The following DOK6 variants were observed in gnomAD, a reference collection of about 807,000 sequenced individuals.
DOK6 encodes the protein docking protein 6.
In DOK6, 22 loss-of-function variants were observed where a neutral mutation model predicts 44.0. The ratio of observed to expected loss-of-function variants is 0.50; its 90% CI spans 0.36 to 0.71. The LOEUF is 0.71. DOK6 is among the 30% of genes least tolerant of loss of function. DOK6 has a pLI of 0.00. For missense variants in DOK6, 340 were observed against 416.4 expected (o/e 0.82, Z 1.60); for synonymous variants, 166 against 145.5 (o/e 1.14, Z -1.01).
chr18:69,651,569 A>G (rs184909378), intron 3 of DOK6, among the ~76,000 whole-genome samples: 2 of 146,926 alleles, frequency 1.4e-5, no homozygotes, highest in Non-Finnish European at 3.0e-5. Context: ...GCTTGCTGCA[A>G]CCTCTGCCTC....
chr18:69,671,285 G>C (rs1049145944), intron 3 of DOK6, among the ~76,000 whole-genome samples: 1 of 152,208 alleles, frequency 6.6e-6, no homozygotes, highest in African/African-American at 2.4e-5. Context: ...CATAAAAGAA[G>C]TAGCAGAATA....
chr18:69,512,332 C>CTTCT (rs59109570), intron 1 of DOK6, among the ~76,000 whole-genome samples: 85 of 91,686 alleles, frequency 9.3e-4, no homozygotes, highest in African/African-American at 3.7e-3. Context: ...CTTTCTTCTT[C>CTTCT]TTTTTTTTTT....
chr18:69,501,896 GTTA>G (rs935718201), intron 1 of DOK6, among the ~76,000 whole-genome samples: 4 of 152,010 alleles, frequency 2.6e-5, no homozygotes, highest in Non-Finnish European at 4.4e-5. Flanking sequence ...AGCTTTCATT[GTTA>G]TTATGATCAC....
intron 6 of DOK6, among the ~76,000 whole-genome samples, chr18:69,740,432 A>G (rs73970250): frequency 3.3e-4 from 51 of 152,336 alleles, no homozygotes; most frequent in African/African-American, 1.2e-3. Context: ...AAGATTTACC[A>G]TGGGGCTAAC....
At chr18:69,753,033 A>G (rs1185520568) in intron 6 of DOK6, among the ~76,000 whole-genome samples, 1 of 152,212 alleles carries the variant, frequency 6.6e-6, no homozygotes, top group Non-Finnish European at 1.5e-5. Flanking sequence ...CATACTTGAA[A>G]AGATAGTAAC....
At chr18:69,556,608 A>G (rs979239542) in intron 1 of DOK6, among the ~76,000 whole-genome samples, 3 of 152,150 alleles carry the variant, frequency 2.0e-5, no homozygotes, top group African/African-American at 7.2e-5. Flanking sequence ...TTTTGTTGTT[A>G]TTATTTTATT....
chr18:69,589,635 A>C (rs1456563487), intron 2 of DOK6, among the ~76,000 whole-genome samples: 1 of 152,162 alleles, frequency 6.6e-6, no homozygotes, highest in Non-Finnish European at 1.5e-5. Context: ...CTATTTATGT[A>C]TGTAGTAAAT....
At chr18:69,693,495 C>T (rs1424238380) in intron 4 of DOK6, among the ~76,000 whole-genome samples, 2 of 152,060 alleles carry the variant, frequency 1.3e-5, no homozygotes, top group Non-Finnish European at 2.9e-5. Flanking sequence ...ATATATATTT[C>T]TACTTAGTAT....
Position 69,841,684 on chromosome 18 carries a change from T to C in DOK6, c.*301T>C. 3.4e-6 allele frequency: 1 copy of C among 296,824 alleles called. No homozygotes were observed. The highest frequency in any genetic ancestry group is 1.1e-3 in the Middle Eastern group (1 of 936). The allele number at this position is 296,824 out of a possible 1,614,324, so 18.4% of individuals were successfully genotyped here. ...CTGACAGTAACAGAAACCTCAGCAC[T>C]GGGAAAAGTTGCCCACACTGGGGTA... On this transcript the variant is annotated 3_prime_UTR_variant, in exon 8 of 8. Transcript: ENST00000382713.
intron 3 of DOK6, among the ~76,000 whole-genome samples, chr18:69,604,779 A>G (rs1438132404): frequency 6.6e-6 from 1 of 152,200 alleles, no homozygotes; most frequent in Non-Finnish European, 1.5e-5. Flanking sequence ...ATAAAATTTC[A>G]TCCTCCAAGA....
At chr18:69,629,468 C>T (rs571022426) in intron 3 of DOK6, among the ~76,000 whole-genome samples, 8 of 152,158 alleles carry the variant, frequency 5.3e-5, no homozygotes, top group Admixed American at 3.3e-4. Flanking sequence ...TCTTTTGCTC[C>T]GACATCTTCC....
At chr18:69,754,371 A>G (rs1289201028) in intron 6 of DOK6, among the ~76,000 whole-genome samples, 2 of 145,762 alleles carry the variant, frequency 1.4e-5, no homozygotes, top group African/African-American at 2.5e-5. Flanking sequence ...AAAAAAAAGA[A>G]GTTATCAAGA....
intron 1 of DOK6, among the ~76,000 whole-genome samples, chr18:69,485,638 G>A (rs553337318): frequency 6.6e-5 from 10 of 152,190 alleles, no homozygotes; most frequent in South Asian, 6.2e-4. Flanking sequence ...CATTCAACTC[G>A]GTTTGAGAAG....
intron 3 of DOK6, among the ~76,000 whole-genome samples, chr18:69,617,720 AAAG>A (rs1984337211): frequency 1.0e-5 from 1 of 99,546 alleles, no homozygotes. Flanking sequence ...AGAAAGAAAG[AAAG>A]AAAAAAGGGG....
At chr18:69,699,783 G>A (rs1451807139) in intron 5 of DOK6, among the ~76,000 whole-genome samples, 1 of 152,112 alleles carries the variant, frequency 6.6e-6, no homozygotes, top group Non-Finnish European at 1.5e-5. Context: ...GAGATTCACT[G>A]ACCTAAAATC....
chr18:69,514,937 T>TTA (rs1450848441), intron 1 of DOK6, among the ~76,000 whole-genome samples: 12 of 151,966 alleles, frequency 7.9e-5, no homozygotes, highest in African/African-American at 2.4e-4. Context: ...CTCAGACTGA[T>TTA]TAGAGGCTCT....
chr18:69,727,115 TC>T (rs1194305954), intron 5 of DOK6, among the ~76,000 whole-genome samples: 5 of 152,126 alleles, frequency 3.3e-5, no homozygotes, highest in Non-Finnish European at 5.9e-5. Context: ...TTCTTTGGCC[TC>T]CCAGAGTGCT....
At chr18:69,665,196 A>C (rs1220285456) in intron 3 of DOK6, among the ~76,000 whole-genome samples, 1 of 152,072 alleles carries the variant, frequency 6.6e-6, no homozygotes, top group Non-Finnish European at 1.5e-5. Flanking sequence ...AAAGAAAAAA[A>C]AAATGCATTA....
chr18:69,551,835 G>C (rs1349934176), intron 1 of DOK6, among the ~76,000 whole-genome samples: 2 of 152,054 alleles, frequency 1.3e-5, no homozygotes, highest in African/African-American at 2.4e-5. Context: ...TCTTTCCAAA[G>C]ATGTATTTAC....
Sources: allele counts gnomAD v4.1 joint callset (sites outside exome capture counted in the v4.1 genomes callset), GRCh38; gene constraint gnomAD v4.1.1; transcripts MANE v1.5; gene names NCBI Gene and HGNC (gene_info 2026-07-23, HGNC 2026-07-21).